The following CADM2 variants were observed in gnomAD, a reference collection of about 807,000 sequenced individuals.
The protein encoded by CADM2 is cell adhesion molecule 2, also known as immunoglobulin superfamily member 4D.
CADM2 carries 12 observed loss-of-function variants against 49.8 expected under a neutral mutation model. The ratio of observed to expected loss-of-function variants is 0.24; its 90% CI spans 0.15 to 0.39. CADM2 has a LOEUF of 0.39. Among genes scored for constraint, CADM2 ranks in the 10% least tolerant of loss-of-function variants. CADM2 has a pLI of 1.00. For synonymous variants in CADM2, 214 were observed against 175.4 expected (o/e 1.22, Z -1.74); for missense variants, 378 against 492.3 (o/e 0.77, Z 2.20).
intron 2 of CADM2, among the ~76,000 whole-genome samples, chr3:85,740,825 TTTC>T (rs2068349690): frequency 6.6e-6 from 1 of 152,206 alleles, no homozygotes; most frequent in African/African-American, 2.4e-5. Context: ...GTTCTGTAGC[TTTC>T]CGGCTGTGAT....
intron 2 of CADM2, among the ~76,000 whole-genome samples, chr3:85,790,547 G>C (rs1195476805): frequency 6.6e-6 from 1 of 152,158 alleles, no homozygotes; most frequent in African/African-American, 2.4e-5. Flanking sequence ...AAATCTGAAG[G>C]AGCCTTTTGT....
At chr3:85,131,992 A>G (rs892570679) in intron 1 of CADM2, among the ~76,000 whole-genome samples, 1 of 152,186 alleles carries the variant, frequency 6.6e-6, no homozygotes, top group Non-Finnish European at 1.5e-5. Context: ...AAGATGATAT[A>G]ACCTATGTCA....
intron 1 of CADM2, among the ~76,000 whole-genome samples, chr3:85,585,048 G>A (rs980453660): frequency 6.6e-6 from 1 of 151,938 alleles, no homozygotes; most frequent in Non-Finnish European, 1.5e-5. Context: ...GAAACTTCTA[G>A]AAATCAACAA....
intron 1 of CADM2, among the ~76,000 whole-genome samples, chr3:85,571,384 A>T (rs749867075): frequency 6.7e-6 from 1 of 149,094 alleles, no homozygotes; most frequent in African/African-American, 2.4e-5. Context: ...TGCTTAGGAA[A>T]CCTTGCAATT....
chr3:85,429,792 C>T (rs2036583183), intron 1 of CADM2, among the ~76,000 whole-genome samples: 1 of 152,146 alleles, frequency 6.6e-6, no homozygotes, highest in African/African-American at 2.4e-5. Flanking sequence ...ATCTGACCCA[C>T]TTCCTATTTG....
At position 85,578,580 on chromosome 3, in the gene CADM2, G is replaced by A. The variant is rs185256363; in HGVS notation, c.62-147942G>A. Among the ~76,000 whole-genome samples the A allele has an allele frequency of 2.1e-3, 313 of 152,258 alleles. 3 individuals carry two copies. Among genetic ancestry groups the A allele is most frequent in the African/African-American group, 7.3e-3 (303 of 41,552 alleles). ...AAGCACTTGAAACCATAATTTATTCGTCAGCATCACTTTCTCTAGCTATTC... is the reference window on the plus strand; with the variant it reads ...AAGCACTTGAAACCATAATTTATTCATCAGCATCACTTTCTCTAGCTATTC... On this transcript the variant is annotated intron_variant, in intron 1 of 9. Coordinates refer to ENST00000383699, the MANE Select transcript of CADM2 (RefSeq NM_001167675.2).
At chr3:85,846,539 C>G (rs1244966683) in intron 3 of CADM2, among the ~76,000 whole-genome samples, 1 of 152,068 alleles carries the variant, frequency 6.6e-6, no homozygotes, top group African/African-American at 2.4e-5. Flanking sequence ...TAAGGGTATG[C>G]AAATATTTGC....
At chr3:85,238,491 G>A (rs1027192567) in intron 1 of CADM2, among the ~76,000 whole-genome samples, 3 of 151,932 alleles carry the variant, frequency 2.0e-5, no homozygotes, top group African/African-American at 7.2e-5. Flanking sequence ...GGTTAGAAAA[G>A]TAAAGATATA....
At chr3:85,535,676 C>T (rs2061408136) in intron 1 of CADM2, among the ~76,000 whole-genome samples, 1 of 152,098 alleles carries the variant, frequency 6.6e-6, no homozygotes, top group Non-Finnish European at 1.5e-5. Context: ...TGCTGTGTGT[C>T]TCCCTGGTAG....
intron 1 of CADM2, among the ~76,000 whole-genome samples, chr3:85,527,111 C>A (rs184935702): frequency 6.6e-6 from 1 of 152,194 alleles, no homozygotes; most frequent in Non-Finnish European, 1.5e-5. Flanking sequence ...AGAGGCCAGG[C>A]ACGGTGTCTT....
intron 1 of CADM2, among the ~76,000 whole-genome samples, chr3:85,134,780 T>C (rs918831254): frequency 6.6e-6 from 1 of 152,038 alleles, no homozygotes; most frequent in African/African-American, 2.4e-5. Flanking sequence ...CTATATATAA[T>C]TGTGCAAATT....
chr3:85,893,047 T>G (rs995043832), intron 5 of CADM2, among the ~76,000 whole-genome samples: 2 of 152,190 alleles, frequency 1.3e-5, no homozygotes, highest in African/African-American at 4.8e-5. Flanking sequence ...AAGGTCATCC[T>G]TGCCATGCAA....
At chr3:85,530,906 ACACAC>A (rs1559890300) in intron 1 of CADM2, among the ~76,000 whole-genome samples, 9 of 136,020 alleles carry the variant, frequency 6.6e-5, no homozygotes, top group African/African-American at 3.0e-4. Flanking sequence ...ACACACACAC[ACACAC>A]ACAAAATTCA....
intron 8 of CADM2, among the ~76,000 whole-genome samples, chr3:86,058,578 A>T (rs981649156): frequency 7.9e-5 from 12 of 151,974 alleles, no homozygotes; most frequent in Non-Finnish European, 1.8e-4. Flanking sequence ...CACTTGAAAA[A>T]TTTTCACTGA....
chr3:85,292,871 T>G (rs908568708), intron 1 of CADM2, among the ~76,000 whole-genome samples: 1 of 151,736 alleles, frequency 6.6e-6, no homozygotes, highest in Non-Finnish European at 1.5e-5. Context: ...AACATCACAA[T>G]TAAAAGAACT....
chr3:85,510,763 A>G (rs1335844710), intron 1 of CADM2, among the ~76,000 whole-genome samples: 2 of 152,042 alleles, frequency 1.3e-5, no homozygotes, highest in Admixed American at 1.3e-4. Flanking sequence ...TCATTCATCT[A>G]TCTATTTATT....
At chr3:85,034,289 C>A (rs533163056) in intron 1 of CADM2, among the ~76,000 whole-genome samples, 6 of 151,814 alleles carry the variant, frequency 4.0e-5, no homozygotes, top group African/African-American at 1.2e-4. Context: ...CCCCACACTA[C>A]GCTTCCCAGC....
chr3:85,853,112 C>A (rs887245505), intron 3 of CADM2, among the ~76,000 whole-genome samples: 1 of 152,040 alleles, frequency 6.6e-6, no homozygotes, highest in Admixed American at 6.6e-5. Flanking sequence ...TAAAAAAATT[C>A]TTTCCCTGCC....
At chr3:85,555,076 A>G (rs1372339839) in intron 1 of CADM2, among the ~76,000 whole-genome samples, 1 of 152,078 alleles carries the variant, frequency 6.6e-6, no homozygotes, top group Admixed American at 6.6e-5. Context: ...CTAGGAAAAA[A>G]AAATCTAACT....
Sources: allele counts gnomAD v4.1 joint callset (sites outside exome capture counted in the v4.1 genomes callset), GRCh38; gene constraint gnomAD v4.1.1; transcripts MANE v1.5; gene names NCBI Gene and HGNC (gene_info 2026-07-23, HGNC 2026-07-21).